The following TRMT9B variants were observed in gnomAD, a reference collection of about 807,000 sequenced individuals.
TRMT9B encodes the protein tRNA methyltransferase 9B (putative), also known as probable tRNA methyltransferase 9B.
In TRMT9B, 16 loss-of-function variants were observed where a neutral mutation model predicts 11.5. The observed-to-expected ratio is 1.39, with a 90% CI of 0.94 to 2.11. The LOEUF (loss-of-function observed/expected upper bound fraction) is 2.11. TRMT9B is among the 30% of genes most tolerant of loss of function. The pLI is 0.00. For missense variants in TRMT9B, 941 were observed against 553.8 expected, an observed-to-expected ratio of 1.70 and a Z score of -7.02; for synonymous variants, 274 against 192.4, an observed-to-expected ratio of 1.42 and a Z score of -3.51.
chr8:12,960,400 ACGG>A (rs1801940602), intron 1 of TRMT9B: 1 of 152,228 alleles, frequency 6.6e-6, no homozygotes, highest in Admixed American at 6.5e-5. Context: ...GGAGTATCTT[ACGG>A]CAGCCCAGAA....
intron 1 of TRMT9B, among the ~76,000 whole-genome samples, chr8:12,968,127 C>T (rs918335516): frequency 6.6e-6 from 1 of 152,206 alleles, no homozygotes; most frequent in Admixed American, 6.5e-5. Flanking sequence ...TTAAGCAATC[C>T]ACCCACCTCG....
chr8:13,016,971 A>C (rs1327969381), intron 4 of TRMT9B, among the ~76,000 whole-genome samples: 2 of 151,422 alleles, frequency 1.3e-5, no homozygotes, highest in Non-Finnish European at 2.9e-5. Context: ...CTAAAAATAG[A>C]AACTTGGCCG....
intron 1 of TRMT9B, among the ~76,000 whole-genome samples, chr8:12,958,194 C>G (rs367611132): frequency 7.2e-5 from 11 of 151,984 alleles, no homozygotes; most frequent in African/African-American, 2.7e-4. Context: ...GAATAATATC[C>G]CATTGTTTAC....
intron 4 of TRMT9B, among the ~76,000 whole-genome samples, chr8:13,018,410 C>G (rs371923558): frequency 5.5e-4 from 62 of 111,938 alleles, no homozygotes; most frequent in Non-Finnish European, 1.0e-3. Flanking sequence ...AAAAAAAAAA[C>G]GACAACAAAG....
At chr8:13,018,796 T>C (rs536516930) in intron 4 of TRMT9B, among the ~76,000 whole-genome samples, 210 of 152,304 alleles carry the variant, frequency 1.4e-3, no homozygotes, top group African/African-American at 5.0e-3. Context: ...GTTATCTAAC[T>C]CGTATTTTCT....
chr8:12,951,940 C>A (rs1800676272), intron 1 of TRMT9B: 1 of 153,166 alleles, frequency 6.5e-6, no homozygotes, highest in Non-Finnish European at 1.4e-5. Flanking sequence ...TTTGGAAGCC[C>A]CGACACGAGC....
At position 12,976,912 on chromosome 8, in the gene TRMT9B, G is replaced by T. The variant is rs549251010; in HGVS notation, c.-199-13922G>T. Among the ~76,000 whole-genome samples the T allele has an allele frequency of 2.0e-5, 3 of 152,244 alleles. No homozygotes were observed. The East Asian group carries it at 5.8e-4, about 29-fold the overall frequency. On this transcript the variant is annotated intron_variant, in intron 1 of 4. Transcript: ENST00000524591. ...ACCCAGACCTATCTGGGAGGGAGTT[G>T]GGGTAATACATTAACTTGACCTCTG... is the stretch of plus-strand genomic sequence containing the variant.
At chr8:12,969,562 T>C (rs1803295779) in intron 1 of TRMT9B, among the ~76,000 whole-genome samples, 1 of 152,258 alleles carries the variant, frequency 6.6e-6, no homozygotes, top group African/African-American at 2.4e-5. Flanking sequence ...AATAACCTAA[T>C]ACAATGTAAG....
intron 1 of TRMT9B, among the ~76,000 whole-genome samples, chr8:12,948,812 T>A (rs1800393200): frequency 1.3e-5 from 2 of 151,914 alleles, no homozygotes; most frequent in African/African-American, 4.8e-5. Flanking sequence ...TACAAAAACT[T>A]AGCCGGGCAT....
At chr8:12,971,686 C>T (rs1803651566) in intron 1 of TRMT9B, among the ~76,000 whole-genome samples, 1 of 152,096 alleles carries the variant, frequency 6.6e-6, no homozygotes, top group South Asian at 2.1e-4. Context: ...GCAGGGAAAG[C>T]AGAAAATGGA....
At position 13,029,510 on chromosome 8, in the gene TRMT9B, G is replaced by C. The variant is rs1815123260; in HGVS notation, c.*7466G>C. 1.2e-5 allele frequency: 2 copies of C among 166,918 alleles called. No homozygotes were observed. Among genetic ancestry groups the C allele is most frequent in the South Asian group, 4.1e-4 (2 of 4,820 alleles). 10.3% of individuals were successfully genotyped at this position (166,918 alleles called of 1,614,324 possible). A position where few individuals can be genotyped will look rare whatever the true frequency, so the allele number is the denominator to read the frequency against. On this transcript the variant is annotated 3_prime_UTR_variant, in exon 5 of 5. Coordinates refer to ENST00000524591, the MANE Select transcript of TRMT9B (RefSeq NM_020844.3). Reference sequence around the variant, plus strand: ...ATTCAATTATTTAAGTTAAGTATCAGTGTATTTTTAAAAAGTGTTCCCAGG... The same window carrying C: ...ATTCAATTATTTAAGTTAAGTATCACTGTATTTTTAAAAAGTGTTCCCAGG...
At chr8:12,950,646 G>A (rs1220332177) in intron 1 of TRMT9B, among the ~76,000 whole-genome samples, 2 of 151,964 alleles carry the variant, frequency 1.3e-5, no homozygotes, top group African/African-American at 4.8e-5. Flanking sequence ...CCAAACAAAG[G>A]TTTCCCCCAC....
rs544283668 is a variant in TRMT9B at position 13,021,523 on chromosome 8, G to A, written c.844G>A (p.Val282Ile). 5.0e-6 allele frequency: 8 copies of A among 1,613,856 alleles called. No homozygotes were observed. Among genetic ancestry groups the A allele is most frequent in the South Asian group, 4.4e-5 (4 of 91,080 alleles). The part of the protein sequence containing the change: ...KNTEVWASST[V>I]TVQPSRHSSL... ...CACAGAAGTTTGGGCCAGTAGCACT[G>A]TAACAGTCCAGCCTTCCAGACACTC... Residue 282 changes from valine (V) to isoleucine (I), a missense_variant, in exon 5 of 5, where the codon GTA (valine) becomes ATA (isoleucine). Coordinates refer to ENST00000524591, the MANE Select transcript of TRMT9B (RefSeq NM_020844.3).
intron 2 of TRMT9B, among the ~76,000 whole-genome samples, chr8:12,991,432 A>C (rs981959868): frequency 6.6e-6 from 1 of 152,204 alleles, no homozygotes; most frequent in African/African-American, 2.4e-5. Context: ...TTATAATGTA[A>C]GTTGTCTTTT....
intron 1 of TRMT9B, among the ~76,000 whole-genome samples, chr8:12,988,070 T>C (rs560712698): frequency 4.6e-5 from 7 of 152,340 alleles, no homozygotes; most frequent in East Asian, 1.9e-4. Context: ...GTTATTGCTG[T>C]TGTTATTCAT....
At chr8:13,017,196 C>T (rs1347686760) in intron 4 of TRMT9B, among the ~76,000 whole-genome samples, 1 of 152,036 alleles carries the variant, frequency 6.6e-6, no homozygotes, top group Non-Finnish European at 1.5e-5. Context: ...TTATGCTAAA[C>T]CTGCAGATTC....
chr8:12,953,790 C>T (rs1322994359), intron 1 of TRMT9B, among the ~76,000 whole-genome samples: 4 of 152,136 alleles, frequency 2.6e-5, no homozygotes, highest in African/African-American at 9.7e-5. Context: ...AAGTGGCTCT[C>T]AGATGGTCAT....
At chr8:12,995,168 T>G (rs539176825) in intron 2 of TRMT9B, among the ~76,000 whole-genome samples, 3 of 152,310 alleles carry the variant, frequency 2.0e-5, no homozygotes, top group Admixed American at 2.0e-4. Flanking sequence ...ACAATACAAC[T>G]CTAGACTTTC....
At chr8:12,966,638 C>A (rs1802860988) in intron 1 of TRMT9B, among the ~76,000 whole-genome samples, 1 of 152,114 alleles carries the variant, frequency 6.6e-6, no homozygotes, top group Admixed American at 6.5e-5. Flanking sequence ...TAGTTCAGTG[C>A]CCATTTATTT....
Sources: gnomAD v4.1 joint callset for allele counts (sites outside exome capture counted in the v4.1 genomes callset) on GRCh38, gnomAD v4.1.1 for gene constraint, MANE v1.5 for transcripts, NCBI Gene and HGNC (gene_info 2026-07-23, HGNC 2026-07-21) for gene names.